GPC5: variants seen among roughly 807,000 people sequenced by gnomAD.
GPC5 encodes glypican 5.
In GPC5, 47 loss-of-function variants were observed where a neutral mutation model predicts 53.9. The observed-to-expected ratio is 0.87, with a 90% CI of 0.69 to 1.11. The LOEUF is 1.11. Among genes scored for constraint, GPC5 ranks in the 50% most tolerant of loss-of-function variants. The pLI is 0.00. For synonymous variants in GPC5, 286 were observed against 263.3 expected, an observed-to-expected ratio of 1.09 and a Z score of -0.84; for missense variants, 748 against 713.1, an observed-to-expected ratio of 1.05 and a Z score of -0.56.
intron 2 of GPC5, among the ~76,000 whole-genome samples, chr13:91,473,009 A>T (rs1333469388): frequency 6.6e-6 from 1 of 152,172 alleles, no homozygotes; most frequent in Non-Finnish European, 1.5e-5. Context: ...ATTGACTCAC[A>T]GTTCCATATG....
intron 2 of GPC5, among the ~76,000 whole-genome samples, chr13:91,621,269 G>C (rs140950158): frequency 1.3e-5 from 2 of 152,020 alleles, no homozygotes; most frequent in South Asian, 4.1e-4. Flanking sequence ...TTAAAAATAG[G>C]TATCTGTTTT....
intron 6 of GPC5, among the ~76,000 whole-genome samples, chr13:92,078,179 G>T (rs984830322): frequency 1.3e-5 from 2 of 152,092 alleles, no homozygotes; most frequent in African/African-American, 4.8e-5. Flanking sequence ...AGTGTTTTTG[G>T]ATAATTAATT....
chr13:92,561,785 G>A (rs565392553), intron 7 of GPC5, among the ~76,000 whole-genome samples: 1 of 152,150 alleles, frequency 6.6e-6, no homozygotes, highest in South Asian at 2.1e-4. Flanking sequence ...AGTTTCTATG[G>A]CAGGAGGGCA....
chr13:92,723,225 A>T (rs116779004), intron 7 of GPC5, among the ~76,000 whole-genome samples: 2,581 of 151,800 alleles, frequency 0.017, 80 homozygotes, highest in African/African-American at 0.059. Flanking sequence ...AATTCAAAAA[A>T]TTATGGTGAG....
chr13:92,029,327 A>G (rs952318621), intron 6 of GPC5, among the ~76,000 whole-genome samples: 3 of 152,228 alleles, frequency 2.0e-5, no homozygotes, highest in African/African-American at 7.2e-5. Flanking sequence ...ACAATGTTAT[A>G]GAGTTCAGTT....
At chr13:91,515,307 A>ACCT (rs1885438754) in intron 2 of GPC5, among the ~76,000 whole-genome samples, 1 of 152,204 alleles carries the variant, frequency 6.6e-6, no homozygotes, top group Admixed American at 6.5e-5. Context: ...GATGACCTGT[A>ACCT]TTAGGAAACT....
chr13:92,231,272 C>T (rs1488552224), intron 7 of GPC5, among the ~76,000 whole-genome samples: 1 of 152,182 alleles, frequency 6.6e-6, no homozygotes, highest in African/African-American at 2.4e-5. Flanking sequence ...AGACAATCAT[C>T]ATGGAATAAA....
chr13:91,897,335 C>CTGTG (rs34783532), intron 5 of GPC5, among the ~76,000 whole-genome samples: 5,166 of 139,352 alleles, frequency 0.037, 166 homozygotes, highest in African/African-American at 0.086. Context: ...ATAGAGAATG[C>CTGTG]TGTGTGTGTG....
chr13:91,877,519 C>T (rs891988442), intron 5 of GPC5, among the ~76,000 whole-genome samples: 10 of 152,056 alleles, frequency 6.6e-5, no homozygotes, highest in African/African-American at 2.4e-4. Flanking sequence ...TTGCATGGGC[C>T]CTGTAACGTC....
chr13:92,852,742 C>T lies in GPC5; in HGVS notation c.1562-13540C>T, dbSNP rs78084285. The stretch of plus-strand genomic sequence containing the variant: ...TGAGCCACTGTGCCTGGTCCCCAGA[C>T]GGAAGCTCCTACTTGGCAGTTTGTG... On this transcript the variant is annotated intron_variant, in intron 7 of 7. Transcript: ENST00000377067. 8.5e-3 allele frequency among the ~76,000 whole-genome samples: 1,297 copies of T among 152,116 alleles called. 18 individuals carry two copies. The highest frequency in any genetic ancestry group is 0.03 in the African/African-American group (1,244 of 41,512).
Position 92,800,835 on chromosome 13 carries a change from G to A in GPC5, c.1562-65447G>A, listed in dbSNP as rs539315462. ...TTAGGGTGTTGTTTGTTACCTTGAC[G>A]GAAAGTTAAATTCTGCAACCCTAAA... On this transcript the variant is annotated intron_variant, in intron 7 of 7. Coordinates refer to ENST00000377067, the MANE Select transcript of GPC5 (RefSeq NM_004466.6). Among the ~76,000 whole-genome samples the A allele has an allele frequency of 1.8e-4, 28 of 151,760 alleles. No individual in the cohort carries two copies. The South Asian group carries it at 2.9e-3, about 16-fold the overall frequency.
chr13:92,047,984 C>G (rs1222256160), intron 6 of GPC5, among the ~76,000 whole-genome samples: 1 of 151,560 alleles, frequency 6.6e-6, no homozygotes, highest in East Asian at 1.9e-4. Flanking sequence ...GAGCAAGACT[C>G]CATCTCAAAA....
chr13:91,877,320 C>T (rs1001821163), intron 5 of GPC5, among the ~76,000 whole-genome samples: 7 of 152,078 alleles, frequency 4.6e-5, no homozygotes, highest in East Asian at 1.9e-4. Context: ...CTGGAAAAGC[C>T]GCAGATATTC....
intron 2 of GPC5, among the ~76,000 whole-genome samples, chr13:91,532,974 T>C (rs1430428366): frequency 6.6e-6 from 1 of 152,212 alleles, no homozygotes; most frequent in Non-Finnish European, 1.5e-5. Context: ...GTAAATTCAG[T>C]TCTTATTGGT....
intron 5 of GPC5, among the ~76,000 whole-genome samples, chr13:91,842,781 G>T (rs2038804379): frequency 6.7e-6 from 1 of 148,200 alleles, no homozygotes; most frequent in African/African-American, 2.5e-5. Flanking sequence ...TTAGTTTTAT[G>T]CATGTTGTTT....
intron 7 of GPC5, among the ~76,000 whole-genome samples, chr13:92,462,306 A>T (rs1878519985): frequency 6.6e-6 from 1 of 152,132 alleles, no homozygotes; most frequent in African/African-American, 2.4e-5. Context: ...GTGGTGGTGA[A>T]GTCAGCCAGG....
intron 6 of GPC5, among the ~76,000 whole-genome samples, chr13:91,960,827 A>T (rs113356721): frequency 0.019 from 2,960 of 152,064 alleles, 93 homozygotes; most frequent in African/African-American, 0.067. Context: ...CCCTCTTCAA[A>T]AAGTGGTGCT....
In GPC5 at chr13:92,200,140, CTTAA is replaced by C. The variant is rs1217496179; in HGVS notation, c.1561+55154_1561+55157del. ...GGATGACTGTGTACTTTGAATTCAT[CTTAA>C]TTTTCTTTCTTTTATATTTCCCTTT... On this transcript the variant is annotated intron_variant, in intron 7 of 7. Coordinates refer to ENST00000377067, the MANE Select transcript of GPC5 (RefSeq NM_004466.6). Among the ~76,000 whole-genome samples the C allele has an allele frequency of 2.6e-5, 4 of 151,902 alleles. No homozygotes were observed. In the East Asian group the frequency reaches 7.8e-4, roughly 30 times the overall value.
chr13:92,807,714 G>T (rs993374001), intron 7 of GPC5, among the ~76,000 whole-genome samples: 4 of 152,024 alleles, frequency 2.6e-5, no homozygotes, highest in Admixed American at 2.6e-4. Context: ...CATAAGGGAA[G>T]TTGCACATAG....
Sources: allele counts gnomAD v4.1 joint callset (sites outside exome capture counted in the v4.1 genomes callset), GRCh38; gene constraint gnomAD v4.1.1; transcripts MANE v1.5; gene names NCBI Gene and HGNC (gene_info 2026-07-23, HGNC 2026-07-21).